Variants in LRRC72 observed in about 807,000 individuals in gnomAD.
LRRC72 encodes the protein leucine-rich repeat-containing protein 72.
Under a neutral mutation model 35.8 loss-of-function variants are expected in LRRC72, and 41 were observed. The ratio of observed to expected loss-of-function variants is 1.15; its 90% CI spans 0.89 to 1.49. The LOEUF (loss-of-function observed/expected upper bound fraction) is 1.49. LRRC72 is among the 40% of genes most tolerant of loss of function. LRRC72 has a pLI of 0.00. For missense variants in LRRC72, 389 were observed against 330.7 expected (o/e 1.18, Z -1.37); for synonymous variants, 118 against 119.2 (o/e 0.99, Z 0.07).
At chr7:16,530,174 G>A (rs761373966) in intron 1 of LRRC72, 2 of 152,058 alleles carry the variant, frequency 1.3e-5, no homozygotes, top group African/African-American at 4.8e-5. Flanking sequence ...ATTATTATGA[G>A]GAATTGACTC....
chr7:16,567,392 A>G lies in LRRC72; in HGVS notation c.519A>G (p.Gln173=). The G allele has an allele frequency of 6.8e-7, 1 of 1,477,336 alleles. No individual in the cohort carries two copies. Among genetic ancestry groups the G allele is most frequent in the African/African-American group, 1.4e-5 (1 of 70,104 alleles). The allele number at this position is 1,477,336 out of a possible 1,614,324, so 91.5% of individuals were successfully genotyped here. Reference sequence around the variant, plus strand: ...AACATTACTTTTTGCATTTATCAGAAGTTACAGAAAAAGAAAGAAGATCAA... The same window carrying G: ...AACATTACTTTTTGCATTTATCAGAGGTTACAGAAAAAGAAAGAAGATCAA... ...LPGVELLDRN[Q]VTEKERRSMI... Residue 173 remains glutamine, a splice_region_variant and synonymous_variant, in exon 7 of 9, where the codon CAA becomes CAG. Coordinates refer to ENST00000401542, the MANE Select transcript of LRRC72 (RefSeq NM_001195280.2).
chr7:16,572,466 A>G lies in LRRC72; in HGVS notation c.670+4923A>G, dbSNP rs536804523. ...AAAGCTTATCCACCATGATCAAGCC[A>G]GCTTCATCCTTGGGATGCAAGGCTG... On this transcript the variant is annotated intron_variant, in intron 7 of 8. Coordinates refer to ENST00000401542, the MANE Select transcript of LRRC72 (RefSeq NM_001195280.2). 5.1e-4 allele frequency among the ~76,000 whole-genome samples: 77 copies of G among 152,350 alleles called. No individual in the cohort carries two copies. The East Asian group carries it at 0.013, about 26-fold the overall frequency.
rs142836771 is a variant in LRRC72 at position 16,547,716 on chromosome 7, C to G, written c.235-9644C>G. ...TGAGGCAATGCTGGTATGCCAGCCC[C>G]CTGCCACCTTGGCCCCCTCCAGACT... On this transcript the variant is annotated intron_variant, in intron 3 of 8. Coordinates refer to ENST00000401542, the MANE Select transcript of LRRC72 (RefSeq NM_001195280.2). 1.5e-3 allele frequency among the ~76,000 whole-genome samples: 221 copies of G among 152,372 alleles called. 1 individual carries two copies. The highest frequency in any genetic ancestry group is 5.1e-3 in the African/African-American group (212 of 41,588).
At chr7:16,528,029 A>G (rs6974070) in intron 1 of LRRC72, among the ~76,000 whole-genome samples, 129,508 of 152,184 alleles carry the variant, frequency 0.85, 55,677 homozygotes, top group East Asian at 1. Flanking sequence ...CAACTAATTT[A>G]AAATCCGACT....
In LRRC72 at chr7:16,536,700, T is replaced by C. The variant is rs114027315; in HGVS notation, c.165-927T>C. 4.7e-3 allele frequency among the ~76,000 whole-genome samples: 706 copies of C among 150,090 alleles called. 9 individuals are homozygous for C. The highest frequency in any genetic ancestry group is 0.017 in the African/African-American group (660 of 39,492). ...TGGTTGCATGCTTTCAAAAAATGTA[T>C]GTTTTTATAAAAATTAGAAAAATAT... On this transcript the variant is annotated intron_variant, in intron 2 of 8. Coordinates refer to ENST00000401542, the MANE Select transcript of LRRC72 (RefSeq NM_001195280.2).
chr7:16,561,264 C>T (rs997315843), intron 5 of LRRC72, among the ~76,000 whole-genome samples: 5 of 152,188 alleles, frequency 3.3e-5, no homozygotes, highest in Admixed American at 2.6e-4. Context: ...GGGTCTAATG[C>T]AAAATGATTT....
intron 7 of LRRC72, among the ~76,000 whole-genome samples, chr7:16,573,722 C>A (rs954915956): frequency 6.6e-6 from 1 of 152,134 alleles, no homozygotes; most frequent in Non-Finnish European, 1.5e-5. Context: ...TTAGGCAATA[C>A]CATTCAGGAC....
chr7:16,549,763 A>T (rs1039666241), intron 3 of LRRC72, among the ~76,000 whole-genome samples: 1 of 152,204 alleles, frequency 6.6e-6, no homozygotes, highest in African/African-American at 2.4e-5. Context: ...GACTCATTAG[A>T]TAAGAAATTC....
At chr7:16,567,357 G>A in intron 6 of LRRC72, 34 bp from the exon 7 acceptor site, 1 of 1,347,702 alleles carries the variant, frequency 7.4e-7, no homozygotes, top group Non-Finnish European at 9.9e-7. Flanking sequence ...TATTTATAAT[G>A]TTATGCAATA....
chr7:16,535,048 G>T (rs558942152), intron 2 of LRRC72, among the ~76,000 whole-genome samples: 91 of 152,198 alleles, frequency 6.0e-4, no homozygotes, highest in African/African-American at 2.1e-3. Context: ...AATTAGCTAG[G>T]TGTGGTGGCA....
chr7:16,574,842 A>G (rs987114019), intron 7 of LRRC72, among the ~76,000 whole-genome samples: 3 of 151,934 alleles, frequency 2.0e-5, no homozygotes, highest in Admixed American at 2.0e-4. Flanking sequence ...CTCACCAGGC[A>G]TGGTGGCTCA....
intron 3 of LRRC72, among the ~76,000 whole-genome samples, chr7:16,541,133 A>C (rs1260832679): frequency 6.6e-6 from 1 of 152,198 alleles, no homozygotes; most frequent in African/African-American, 2.4e-5. Flanking sequence ...CAAGCAAAAG[A>C]GCAAGACCGA....
chr7:16,578,475 G>C (rs570526959), intron 7 of LRRC72, among the ~76,000 whole-genome samples: 2 of 152,298 alleles, frequency 1.3e-5, no homozygotes, highest in East Asian at 3.9e-4. Context: ...GGGCAACAGA[G>C]TGAGACTCCA....
At chr7:16,547,934 G>A (rs1254243530) in intron 3 of LRRC72, among the ~76,000 whole-genome samples, 2 of 152,260 alleles carry the variant, frequency 1.3e-5, no homozygotes, top group South Asian at 4.1e-4. Flanking sequence ...TAAAGGCTGA[G>A]GGCTGGGGTG....
chr7:16,563,335 A>G (rs1782774864), intron 5 of LRRC72, among the ~76,000 whole-genome samples: 1 of 152,084 alleles, frequency 6.6e-6, no homozygotes, highest in Admixed American at 6.5e-5. Flanking sequence ...GACTCCTGTA[A>G]GCCAAGCTTG....
At chr7:16,531,543 T>C (rs1012727907) in intron 1 of LRRC72, among the ~76,000 whole-genome samples, 1 of 152,348 alleles carries the variant, frequency 6.6e-6, no homozygotes. Context: ...CCCAGAAAGA[T>C]TTATAAGTCA....
intron 5 of LRRC72, among the ~76,000 whole-genome samples, chr7:16,561,496 C>T (rs1365211193): frequency 6.6e-6 from 1 of 152,124 alleles, no homozygotes; most frequent in South Asian, 2.1e-4. Flanking sequence ...AGAATTGTGC[C>T]AGGCATGAGG....
chr7:16,569,439 G>C (rs1282637605), intron 7 of LRRC72, among the ~76,000 whole-genome samples: 1 of 151,928 alleles, frequency 6.6e-6, no homozygotes, highest in Non-Finnish European at 1.5e-5. Flanking sequence ...ACAAGGACAG[G>C]TCTCCTCAGA....
intron 1 of LRRC72, among the ~76,000 whole-genome samples, chr7:16,527,451 CAG>C (rs149821943): frequency 0.084 from 12,663 of 150,586 alleles, 618 homozygotes; most frequent in East Asian, 0.15. Context: ...GATTCTCCAA[CAG>C]GGGTGTGTGT....
Sources: gnomAD v4.1 joint callset for allele counts (sites outside exome capture counted in the v4.1 genomes callset) on GRCh38, gnomAD v4.1.1 for gene constraint, MANE v1.5 for transcripts, NCBI Gene and HGNC (gene_info 2026-07-23, HGNC 2026-07-21) for gene names.